Variants in ZNF277 observed in about 807,000 individuals in gnomAD.
The protein encoded by ZNF277 is nuclear receptor-interacting factor 4.
In ZNF277, 55 loss-of-function variants were observed where a neutral mutation model predicts 60.7. The ratio of observed to expected loss-of-function variants is 0.91; its 90% CI spans 0.73 to 1.13. The LOEUF is 1.13. Ranked by LOEUF, ZNF277 falls within the 50% of genes most tolerant of loss-of-function variation. The probability of loss-of-function intolerance (pLI) is 0.00; values close to 1 mark genes in which losing one functional copy is unlikely to be tolerated. For synonymous variants in ZNF277, 178 were observed against 179.3 expected, an observed-to-expected ratio of 0.99 and a Z score of 0.06; for missense variants, 510 against 523.0, an observed-to-expected ratio of 0.98 and a Z score of 0.24.
chr7:112,227,728 A>G (rs867821557), intron 1 of ZNF277, among the ~76,000 whole-genome samples: 11 of 152,276 alleles, frequency 7.2e-5, no homozygotes, highest in African/African-American at 2.6e-4. Context: ...TTGTAAAGTC[A>G]TATTCATACT....
chr7:112,280,661 T>C (rs1406099591), intron 1 of ZNF277, among the ~76,000 whole-genome samples: 1 of 151,990 alleles, frequency 6.6e-6, no homozygotes, highest in East Asian at 1.9e-4. Context: ...AGTCTCACTC[T>C]GTCACCCAGA....
chr7:112,343,471 G>T lies in ZNF277; in HGVS notation c.*742G>T, dbSNP rs1793482758. ...ATTAACTTAATATCATCTGTTTTCA[G>T]TTTTTCCCACTTGTCTCAAAATGTA... On this transcript the variant is annotated 3_prime_UTR_variant, in exon 12 of 12. Transcript: ENST00000361822. Among the ~76,000 whole-genome samples the T allele has an allele frequency of 6.6e-6, 1 of 152,016 alleles. No individual in the cohort carries two copies. The highest frequency in any genetic ancestry group is 1.5e-5 in the Non-Finnish European group (1 of 68,020).
At chr7:112,208,335 C>A (rs1009500457) in intron 1 of ZNF277, among the ~76,000 whole-genome samples, 1 of 152,004 alleles carries the variant, frequency 6.6e-6, no homozygotes, top group African/African-American at 2.4e-5. Context: ...TGATCCACCA[C>A]TGCACTCCAG....
chr7:112,272,203 G>A (rs1356959851), intron 1 of ZNF277, among the ~76,000 whole-genome samples: 1 of 152,106 alleles, frequency 6.6e-6, no homozygotes, highest in Non-Finnish European at 1.5e-5. Context: ...TTTGTTCCCG[G>A]CTGATTTCAC....
chr7:112,269,602 A>T (rs1273491983), intron 1 of ZNF277, among the ~76,000 whole-genome samples: 1 of 152,122 alleles, frequency 6.6e-6, no homozygotes, highest in Non-Finnish European at 1.5e-5. Context: ...ATGCAAGAAG[A>T]CTTGTAGCAC....
chr7:112,294,573 G>T (rs904717643), intron 2 of ZNF277, among the ~76,000 whole-genome samples: 1 of 152,160 alleles, frequency 6.6e-6, no homozygotes, highest in Non-Finnish European at 1.5e-5. Context: ...CAGTGTGGTT[G>T]TACAGGAGAA....
At chr7:112,224,368 G>T (rs28712358) in intron 1 of ZNF277, among the ~76,000 whole-genome samples, 6,489 of 152,338 alleles carry the variant, frequency 0.043, 330 homozygotes, top group African/African-American at 0.12. Flanking sequence ...ATTCAAGGCC[G>T]CCCTGGGCTG....
intron 1 of ZNF277, among the ~76,000 whole-genome samples, chr7:112,284,441 A>G (rs1195764220): frequency 6.6e-6 from 1 of 152,202 alleles, no homozygotes; most frequent in Non-Finnish European, 1.5e-5. Flanking sequence ...ATAGAGTTTC[A>G]TAAGTATATT....
intron 10 of ZNF277, 36 bp from the exon 11 acceptor site, chr7:112,340,836 C>G (rs2117147751): frequency 1.3e-6 from 2 of 1,592,590 alleles, no homozygotes; most frequent in Middle Eastern, 1.7e-4. Context: ...TGGGTCTGAA[C>G]AGTTGTCTAA....
chr7:112,206,969 G>A (rs1269213457), intron 1 of ZNF277, among the ~76,000 whole-genome samples, 162 bp downstream of exon 1: 4 of 152,250 alleles, frequency 2.6e-5, no homozygotes, highest in Non-Finnish European at 5.9e-5. Flanking sequence ...GTTGGAGCCG[G>A]TGGCGGCTAC....
intron 1 of ZNF277, among the ~76,000 whole-genome samples, chr7:112,260,568 T>C (rs1791419267): frequency 6.6e-6 from 1 of 152,348 alleles, no homozygotes; most frequent in South Asian, 2.1e-4. Context: ...TCTAATTTTT[T>C]CCTAGCGTTA....
intron 8 of ZNF277, 119 bp downstream of exon 8, chr7:112,336,290 C>A: frequency 1.3e-6 from 1 of 789,090 alleles, no homozygotes; most frequent in Non-Finnish European, 1.9e-6. Flanking sequence ...TTCTCTGAGC[C>A]ATGCATCCCT....
rs758853594 is a variant in ZNF277 at position 112,341,032 on chromosome 7, G to A, written c.1170G>A (p.Thr390=). ...CTTCGCTGCTCCCCGATAGAAAGAC[G>A]TGGGATCAACTGGAGTACGTACTGC... The part of the protein sequence containing the change: ...KHTSLLPDRK[T]WDQLEYYFPT... The change falls in exon 11 of 12, where the codon ACG becomes ACA. Residue 390 remains threonine, a synonymous_variant. Coordinates refer to ENST00000361822, the MANE Select transcript of ZNF277 (RefSeq NM_021994.3). 2.8e-5 allele frequency: 45 copies of A among 1,603,070 alleles called. No individual in the cohort carries two copies. Among genetic ancestry groups the A allele is most frequent in the Middle Eastern group, 3.3e-4 (2 of 6,056 alleles).
chr7:112,246,858 G>A (rs1271840175), intron 1 of ZNF277, among the ~76,000 whole-genome samples: 2 of 152,176 alleles, frequency 1.3e-5, no homozygotes, highest in Non-Finnish European at 2.9e-5. Context: ...TTTGGTTAGT[G>A]AGGAAAGAAA....
chr7:112,320,313 A>C (rs1792947629), intron 5 of ZNF277, among the ~76,000 whole-genome samples: 1 of 152,126 alleles, frequency 6.6e-6, no homozygotes, highest in African/African-American at 2.4e-5. Flanking sequence ...TTCTGTAGTA[A>C]ATGCACATTT....
At chr7:112,215,810 C>T (rs1052441189) in intron 1 of ZNF277, among the ~76,000 whole-genome samples, 1 of 151,982 alleles carries the variant, frequency 6.6e-6, no homozygotes, top group Non-Finnish European at 1.5e-5. Context: ...TGTTTTTATC[C>T]AAATAGAGAG....
intron 1 of ZNF277, among the ~76,000 whole-genome samples, chr7:112,213,323 C>T (rs1331265957): frequency 2.0e-5 from 3 of 152,122 alleles, no homozygotes; most frequent in East Asian, 1.9e-4. Context: ...TGCCCAGTCT[C>T]GGGTATGTCT....
chr7:112,289,892 A>AT (rs541713440), intron 2 of ZNF277, among the ~76,000 whole-genome samples: 1,935 of 146,982 alleles, frequency 0.013, 48 homozygotes, highest in African/African-American at 0.044. Flanking sequence ...CGCCTGGCTA[A>AT]TTTTTTTTTT....
chr7:112,273,100 C>T (rs764358480), intron 1 of ZNF277, among the ~76,000 whole-genome samples: 54 of 152,328 alleles, frequency 3.5e-4, no homozygotes, highest in Middle Eastern at 3.4e-3. Flanking sequence ...TCCCCACATC[C>T]GCTGGCTCTG....
Sources: gnomAD v4.1 joint callset for allele counts (sites outside exome capture counted in the v4.1 genomes callset) on GRCh38, gnomAD v4.1.1 for gene constraint, MANE v1.5 for transcripts, NCBI Gene and HGNC (gene_info 2026-07-23, HGNC 2026-07-21) for gene names.